The following HIVEP3 variants were observed in gnomAD, a reference collection of about 807,000 sequenced individuals.
HIVEP3 encodes HIVEP zinc finger 3.
A neutral mutation model predicts 152.8 loss-of-function variants in HIVEP3; 49 were observed. The ratio of observed to expected loss-of-function variants is 0.32; its 90% CI spans 0.26 to 0.41. The LOEUF is 0.41. Among genes scored for constraint, HIVEP3 ranks in the 10% least tolerant of loss-of-function variants. The pLI, the probability that HIVEP3 is intolerant of heterozygous loss-of-function variation, is 1.00. For missense variants in HIVEP3, 2,790 were observed against 3,103.3 expected (o/e 0.90, Z 2.40); for synonymous variants, 1,269 against 1,289.0 (o/e 0.98, Z 0.33).
intron 1 of HIVEP3, among the ~76,000 whole-genome samples, chr1:41,758,580 C>CA (rs1460931199): frequency 4.5e-4 from 68 of 152,286 alleles, no homozygotes; most frequent in Non-Finnish European, 2.2e-4. Context: ...GACCAGAACC[C>CA]AAGTTCTAGA....
chr1:41,768,467 A>G (rs773465115), intron 1 of HIVEP3, among the ~76,000 whole-genome samples: 1 of 152,256 alleles, frequency 6.6e-6, no homozygotes, highest in Non-Finnish European at 1.5e-5. Flanking sequence ...GCCGAACCAT[A>G]TCTCCATCTA....
chr1:41,639,160 A>G (rs367933945), intron 2 of HIVEP3, among the ~76,000 whole-genome samples: 8 of 152,272 alleles, frequency 5.3e-5, no homozygotes, highest in African/African-American at 1.9e-4. Context: ...TTTATTTGTT[A>G]TTGTGGTCTG....
At chr1:41,566,678 A>C (rs1188395373) in intron 5 of HIVEP3, among the ~76,000 whole-genome samples, 5 of 152,156 alleles carry the variant, frequency 3.3e-5, no homozygotes, top group African/African-American at 4.8e-5. Context: ...TCACCTGCAC[A>C]GGGCCCTGTT....
chr1:41,853,192 G>A (rs760125250), intron 1 of HIVEP3, among the ~76,000 whole-genome samples: 2 of 152,168 alleles, frequency 1.3e-5, no homozygotes, highest in African/African-American at 2.4e-5. Context: ...TTGGATTTCT[G>A]ACAATGTTGC....
chr1:41,560,624 C>T (rs187384039), intron 5 of HIVEP3, among the ~76,000 whole-genome samples: 1 of 152,304 alleles, frequency 6.6e-6, no homozygotes, highest in Admixed American at 6.5e-5. Context: ...CATTGCCTCC[C>T]GGGGCCAGGA....
chr1:41,594,522 G>C (rs556676536), intron 3 of HIVEP3, among the ~76,000 whole-genome samples: 17 of 152,136 alleles, frequency 1.1e-4, no homozygotes, highest in African/African-American at 3.9e-4. Flanking sequence ...CCGCCTGGCC[G>C]ATATCTTATG....
At chr1:41,954,480 C>T in intron 1 of HIVEP3, among the ~76,000 whole-genome samples, 1 of 152,278 alleles carries the variant, frequency 6.6e-6, no homozygotes, top group East Asian at 1.9e-4. Flanking sequence ...CCTTCAGAGA[C>T]TTCACCTTGG....
At chr1:41,578,112 G>A (rs1644352675) in intron 4 of HIVEP3, among the ~76,000 whole-genome samples, 1 of 152,206 alleles carries the variant, frequency 6.6e-6, no homozygotes, top group African/African-American at 2.4e-5. Flanking sequence ...TTTTGATCTA[G>A]GCTCTGCCAT....
chr1:41,584,352 G>A lies in HIVEP3; in HGVS notation c.446C>T (p.Ala149Val), dbSNP rs1411146544. 6.2e-7 allele frequency: 1 copy of A among 1,613,770 alleles called. No individual in the cohort carries two copies. Among genetic ancestry groups the A allele is most frequent in the Non-Finnish European group, 8.5e-7 (1 of 1,179,864 alleles). ...HPQSQLLPSH[A>V]SIIPPEDLPG... ...AAGGTCCTCGGGGGGAATGATGGAA[G>A]CGTGGGAAGGAAGGAGCTGGCTCTG... Residue 149 changes from alanine to valine, a missense_variant, in exon 4 of 9, where the codon GCT becomes GTT. Physicochemically the swap from Ala to Val is moderately conservative, Grantham distance 64. Around this residue, in one of 9 missense-constraint regions of HIVEP3, gnomAD observed 209 missense variants for 237.0 expected, o/e 0.88. Transcript: ENST00000372583. This position sits in a 1 kb window ranked among gnomAD's most constrained non-coding sequence, Gnocchi z 5.2.
rs111685793 is a variant in HIVEP3 at position 41,704,439 on chromosome 1, A to G, written c.-800-3444T>C. Among the ~76,000 whole-genome samples, 1,095 of 152,266 alleles carry G rather than the reference A, an allele frequency of 7.2e-3. 19 individuals are homozygous for G. Among genetic ancestry groups the G allele is most frequent in the African/African-American group, 0.025 (1,047 of 41,560 alleles). On this transcript the variant is annotated intron_variant, in intron 1 of 8. Transcript: ENST00000372583. ...TGGTCTCCAGAGAATCAGCTTAGAG[A>G]ATTCCTTGCAAGCGCCAGTGCCAGC...
chr1:41,878,922 C>T (rs533310909), intron 1 of HIVEP3, among the ~76,000 whole-genome samples: 1 of 150,288 alleles, frequency 6.7e-6, no homozygotes, highest in African/African-American at 2.5e-5. Context: ...TCAACAAGCC[C>T]AGGTGATGGC....
chr1:41,825,046 T>G (rs72961285), intron 1 of HIVEP3, among the ~76,000 whole-genome samples: 1,766 of 152,082 alleles, frequency 0.012, 31 homozygotes, highest in African/African-American at 0.04. Context: ...AGAGACCACC[T>G]GACCAGGCTT....
At chr1:41,800,934 C>T (rs903911533) in intron 1 of HIVEP3, among the ~76,000 whole-genome samples, 6 of 152,228 alleles carry the variant, frequency 3.9e-5, no homozygotes, top group African/African-American at 1.4e-4. Context: ...AACTCCCTCC[C>T]TCCCTTTCGT....
At position 41,583,045 on chromosome 1, in the gene HIVEP3, G is replaced by A. The variant is rs1389806155; in HGVS notation, c.1753C>T (p.Arg585Trp). Residue 585 changes from arginine to tryptophan, a missense_variant, in exon 4 of 9, where the codon CGG becomes TGG. Arg to Trp is a moderately radical substitution (Grantham distance 101, BLOSUM62 -3). Coordinates refer to ENST00000372583, the MANE Select transcript of HIVEP3 (RefSeq NM_024503.5). The surrounding 1 kb of genome is among the most constrained non-coding windows in gnomAD (Gnocchi z 6.9). ...ATTGCCGGCTGGCGCTTCAGCATCC[G>A]GGGGTGGGAGGTAAACACGTGACTG... ...HSSHVFTSHP[R>W]MLKRQPAIEL... 5 of 1,613,992 alleles carry A rather than the reference G, an allele frequency of 3.1e-6. No individual in the cohort carries two copies. Among genetic ancestry groups the A allele is most frequent in the Admixed American group, 3.3e-5 (2 of 60,004 alleles).
At chr1:41,822,409 A>G (rs946650451) in intron 1 of HIVEP3, among the ~76,000 whole-genome samples, 2 of 152,214 alleles carry the variant, frequency 1.3e-5, no homozygotes, top group Non-Finnish European at 2.9e-5. Flanking sequence ...TGGATGGAGG[A>G]GCAGCATATG....
intron 3 of HIVEP3, among the ~76,000 whole-genome samples, chr1:41,600,872 T>A (rs972472096): frequency 6.6e-6 from 1 of 152,188 alleles, no homozygotes; most frequent in Admixed American, 6.5e-5. Flanking sequence ...AGGTTTTACA[T>A]CCAAGTCTTT....
intron 2 of HIVEP3, among the ~76,000 whole-genome samples, chr1:41,667,062 G>C (rs1645806798): frequency 6.6e-6 from 1 of 152,178 alleles, no homozygotes. Context: ...CTGGCCCCCA[G>C]GGAGTGTTGG....
intron 1 of HIVEP3, among the ~76,000 whole-genome samples, chr1:41,811,950 C>T (rs1020403498): frequency 5.3e-5 from 8 of 152,052 alleles, no homozygotes; most frequent in Admixed American, 3.9e-4. Flanking sequence ...GAGAAGCCCC[C>T]GAGTGCCCAA....
intron 1 of HIVEP3, among the ~76,000 whole-genome samples, chr1:41,871,703 T>C (rs1644083000): frequency 6.6e-6 from 1 of 152,222 alleles, no homozygotes; most frequent in Non-Finnish European, 1.5e-5. Flanking sequence ...TATCCAAGAA[T>C]CTGTGCGTTA....
Sources: gnomAD v4.1 joint callset for allele counts (sites outside exome capture counted in the v4.1 genomes callset) on GRCh38, gnomAD v4.1.1 for gene constraint, gnomAD v4.1.1 regional missense constraint, Gnocchi (gnomAD v3.1) non-coding constraint, MANE v1.5 for transcripts, NCBI Gene and HGNC (gene_info 2026-07-23, HGNC 2026-07-21) for gene names.